The following RUNX1T1 variants were observed in gnomAD, a reference collection of about 807,000 sequenced individuals.
RUNX1T1 encodes the protein protein CBFA2T1.
In RUNX1T1, 4 loss-of-function variants were observed where a neutral mutation model predicts 62.8. That is an observed-to-expected ratio of 0.06 (90% CI 0.03 to 0.15). The LOEUF is 0.15. Ranked by LOEUF, RUNX1T1 falls within the 10% of genes least tolerant of loss-of-function variation. The pLI is 1.00. For missense variants in RUNX1T1, 508 were observed against 754.3 expected, an observed-to-expected ratio of 0.67 and a Z score of 3.82; for synonymous variants, 291 against 286.0, an observed-to-expected ratio of 1.02 and a Z score of -0.18.
intron 5 of RUNX1T1, among the ~76,000 whole-genome samples, chr8:92,001,976 GA>G (rs2130989400): frequency 6.6e-6 from 1 of 152,280 alleles, no homozygotes; most frequent in Non-Finnish European, 1.5e-5. Flanking sequence ...CAGTTTTAAA[GA>G]GGGCTCTTAG....
chr8:92,009,001 C>T (rs751611342), intron 4 of RUNX1T1, among the ~76,000 whole-genome samples: 2 of 152,146 alleles, frequency 1.3e-5, no homozygotes, highest in Non-Finnish European at 2.9e-5. Flanking sequence ...GGCTCCTAAC[C>T]TCATGTTTAA....
chr8:91,960,246 C>T (rs577506995), exon 11 of RUNX1T1: 7 of 1,607,720 alleles, frequency 4.4e-6, no homozygotes, highest in South Asian at 2.2e-5. Flanking sequence ...TCACGTCTAG[C>T]GAGGGGTTGT....
intron 1 of RUNX1T1, among the ~76,000 whole-genome samples, chr8:92,018,433 T>C (rs906013570): frequency 2.0e-5 from 3 of 152,232 alleles, no homozygotes; most frequent in African/African-American, 7.2e-5. Context: ...TATTTTTGGT[T>C]CTTTAGATCT....
At chr8:92,076,263 C>T (rs1187999041) in intron 1 of RUNX1T1, 126 bp from the exon 2 acceptor site, 7 of 628,112 alleles carry the variant, frequency 1.1e-5, no homozygotes, top group Non-Finnish European at 1.6e-5. Context: ...AAAACAGATA[C>T]AAGCTCTTCT....
chr8:91,971,010 A>C, intron 9 of RUNX1T1, 162 bp from the exon 11 acceptor site: 1 of 503,222 alleles, frequency 2.0e-6, no homozygotes, highest in Non-Finnish European at 3.4e-6. Context: ...TAGCAGCTGG[A>C]ATTACAGGAG....
intron 1 of RUNX1T1, among the ~76,000 whole-genome samples, chr8:92,098,169 AC>A (rs1837875092): frequency 6.6e-6 from 1 of 152,218 alleles, no homozygotes; most frequent in Admixed American, 6.5e-5. Flanking sequence ...GAGAATTCCA[AC>A]ATATGACCAT....
downstream of RUNX1T1, chr8:91,956,474 G>A (rs534900300): frequency 6.6e-5 from 15 of 226,422 alleles, no homozygotes; most frequent in African/African-American, 1.1e-4. Flanking sequence ...ATGGCACACC[G>A]GGGACGAGGG....
chr8:92,102,085 G>C (rs941076873), upstream of RUNX1T1, among the ~76,000 whole-genome samples: 1 of 152,230 alleles, frequency 6.6e-6, no homozygotes, highest in African/African-American at 2.4e-5. This position sits in a 1 kb window ranked among gnomAD's most constrained non-coding sequence, Gnocchi z 4.5. Context: ...GCCGCGACGG[G>C]AACACCCAGG....
At chr8:92,045,366 T>C (rs1410870842) in intron 1 of RUNX1T1, among the ~76,000 whole-genome samples, 1 of 152,130 alleles carries the variant, frequency 6.6e-6, no homozygotes, top group East Asian at 1.9e-4. Context: ...TCACCCAAAC[T>C]ACCATGATAC....
At chr8:92,098,677 C>A (rs534863717) in intron 1 of RUNX1T1, among the ~76,000 whole-genome samples, 1 of 152,280 alleles carries the variant, frequency 6.6e-6, no homozygotes, top group African/African-American at 2.4e-5. Context: ...TCAACCATCA[C>A]CCTCTTTACA....
chr8:91,981,121 C>T lies in RUNX1T1; in HGVS notation c.1198+5003G>A, dbSNP rs1053792148. ...TATATATTACCATCCCCATTTTACA[C>T]GAGGAAACTGAAGCACAAAGAGATT... is the stretch of plus-strand genomic sequence containing the variant. On this transcript the variant is annotated intron_variant, in intron 8 of 10. Transcript: ENST00000396218. Among the ~76,000 whole-genome samples the T allele has an allele frequency of 5.9e-5, 9 of 152,076 alleles. No individual in the cohort carries two copies. The South Asian group carries it at 6.2e-4, about 11-fold the overall frequency.
At chr8:91,964,644 AAAGTTTGATT>A in intron 10 of RUNX1T1, among the ~76,000 whole-genome samples, 1 of 152,218 alleles carries the variant, frequency 6.6e-6, no homozygotes, top group Non-Finnish European at 1.5e-5. Flanking sequence ...TTACATAGCC[AAAGTTTGATT>A]CACCCAGATG....
chr8:91,983,606 T>C (rs1482600627), intron 8 of RUNX1T1, among the ~76,000 whole-genome samples: 5 of 152,184 alleles, frequency 3.3e-5, no homozygotes, highest in East Asian at 3.9e-4. Flanking sequence ...GAGATCTAAA[T>C]GTATATAAAG....
chr8:92,013,202 AT>A (rs1478867163), intron 3 of RUNX1T1, among the ~76,000 whole-genome samples: 2 of 152,252 alleles, frequency 1.3e-5, no homozygotes, highest in East Asian at 3.9e-4. Context: ...TCAAGAATGA[AT>A]AAAAAGGAAA....
intron 8 of RUNX1T1, among the ~76,000 whole-genome samples, chr8:91,978,633 C>A (rs1814507636): frequency 6.6e-6 from 1 of 152,162 alleles, no homozygotes; most frequent in African/African-American, 2.4e-5. Context: ...TTCTATAGTT[C>A]ACAATTCACT....
intron 7 of RUNX1T1, 56 bp from the exon 9 acceptor site, chr8:91,986,381 T>C (rs905432037): frequency 6.5e-6 from 9 of 1,389,528 alleles, no homozygotes; most frequent in Non-Finnish European, 9.2e-6. Context: ...AATTAAAGAT[T>C]TTGCTGAGTA....
chr8:91,977,832 A>G (rs1268250669), intron 8 of RUNX1T1, among the ~76,000 whole-genome samples: 1 of 152,126 alleles, frequency 6.6e-6, no homozygotes, highest in East Asian at 1.9e-4. Context: ...CTCATTGCCC[A>G]GGCTGGAGTG....
intron 1 of RUNX1T1, among the ~76,000 whole-genome samples, chr8:92,022,608 G>A (rs1824336903): frequency 6.6e-6 from 1 of 152,102 alleles, no homozygotes; most frequent in Non-Finnish European, 1.5e-5. Context: ...CACTATTCTA[G>A]CAACAAGCTG....
intron 8 of RUNX1T1, among the ~76,000 whole-genome samples, chr8:91,982,529 T>C (rs1815554152): frequency 6.6e-6 from 1 of 152,208 alleles, no homozygotes. Context: ...TTTCTATACA[T>C]ATAAAAGTAA....
Sources: gnomAD v4.1 joint callset for allele counts (sites outside exome capture counted in the v4.1 genomes callset) on GRCh38, gnomAD v4.1.1 for gene constraint, Gnocchi (gnomAD v3.1) non-coding constraint, MANE v1.5 for transcripts, NCBI Gene and HGNC (gene_info 2026-07-23, HGNC 2026-07-21) for gene names.